Variants in ACVR1B observed in about 807,000 individuals in gnomAD.
The protein encoded by ACVR1B is activin receptor type-1B.
ACVR1B carries 15 observed loss-of-function variants against 55.6 expected under a neutral mutation model. The ratio of observed to expected loss-of-function variants is 0.27; its 90% CI spans 0.18 to 0.42. The LOEUF (loss-of-function observed/expected upper bound fraction) is 0.42, where lower values mean the gene tolerates loss of function less well. Among genes scored for constraint, ACVR1B ranks in the 10% least tolerant of loss-of-function variants. The pLI is 1.00. For missense variants in ACVR1B, 359 were observed against 670.1 expected (o/e 0.54, Z 5.13); for synonymous variants, 247 against 254.6 (o/e 0.97, Z 0.28).
chr12:51,996,999 A>C lies in ACVR1B; in HGVS notation c.*2889A>C, dbSNP rs988661400. ...AGTATGCAAATGTAAATAAATTGTAATATAGGAAATCTTTTGTTTTAATAT... is the reference window on the plus strand; with the variant it reads ...AGTATGCAAATGTAAATAAATTGTACTATAGGAAATCTTTTGTTTTAATAT... On this transcript the variant is annotated 3_prime_UTR_variant, in exon 9 of 9. Transcript: ENST00000257963. 2.0e-5 allele frequency: 3 copies of C among 152,658 alleles called. No homozygotes were observed. The highest frequency in any genetic ancestry group is 4.4e-5 in the Non-Finnish European group (3 of 68,038). The allele number at this position is 152,658 out of a possible 1,614,324, so 9.5% of individuals were successfully genotyped here.
At chr12:51,977,373 C>G (rs1941880680) in intron 3 of ACVR1B, among the ~76,000 whole-genome samples, 1 of 152,170 alleles carries the variant, frequency 6.6e-6, no homozygotes, top group African/African-American at 2.4e-5. Context: ...TTTCCGCTCT[C>G]TGAAACCTCC....
At chr12:51,955,246 A>G (rs558933682) in intron 1 of ACVR1B, among the ~76,000 whole-genome samples, 5 of 152,380 alleles carry the variant, frequency 3.3e-5, no homozygotes, top group East Asian at 3.9e-4. Context: ...GGAATCTGCA[A>G]TCAGTACAGG....
intron 1 of ACVR1B, chr12:51,953,531 T>C: frequency 1.0e-6 from 1 of 985,130 alleles, no homozygotes; most frequent in Non-Finnish European, 1.2e-6. Flanking sequence ...ATAAGGATGT[T>C]CGTCGGGCCT....
At chr12:51,966,880 C>T (rs957917240) in intron 1 of ACVR1B, among the ~76,000 whole-genome samples, 1 of 152,194 alleles carries the variant, frequency 6.6e-6, no homozygotes, top group African/African-American at 2.4e-5. Context: ...TTGTGGGAAA[C>T]TGCAATTTAA....
intron 1 of ACVR1B, among the ~76,000 whole-genome samples, chr12:51,968,037 C>A (rs1004057565): frequency 2.0e-5 from 3 of 152,206 alleles, no homozygotes; most frequent in African/African-American, 7.2e-5. Context: ...GAGTTCGAGA[C>A]CAGCCTGGCC....
rs1942092741 is a variant in ACVR1B at position 51,987,036 on chromosome 12, T to C, written c.1261+94T>C. 5 of 1,546,030 alleles carry C rather than the reference T, an allele frequency of 3.2e-6. No individual in the cohort carries two copies. The Admixed American group carries it at 5.0e-5, about 15-fold the overall frequency. On this transcript the variant is annotated intron_variant, in intron 7 of 8. Transcript: ENST00000257963. ...CTGCCCCCTTTCTTTTTACAACCTG[T>C]TGGATGCCTGTTGCCAGAGCCTGAA...
chr12:51,980,088 C>T (rs555556850), intron 3 of ACVR1B, among the ~76,000 whole-genome samples: 1 of 152,172 alleles, frequency 6.6e-6, no homozygotes, highest in African/African-American at 2.4e-5. Context: ...TTGAATATTA[C>T]ATAACCTCCT....
chr12:51,960,760 C>T (rs1941504994), intron 1 of ACVR1B, among the ~76,000 whole-genome samples: 1 of 152,178 alleles, frequency 6.6e-6, no homozygotes, highest in Non-Finnish European at 1.5e-5. Flanking sequence ...TCTAACCAGG[C>T]TCTCTGCCTT....
rs145146975 is a variant in ACVR1B, at chr12:51,985,295, T to C, written c.1083T>C (p.Asp361=). The C allele has an allele frequency of 6.2e-7, 1 of 1,613,950 alleles. No homozygotes were observed. Among genetic ancestry groups the C allele is most frequent in the Non-Finnish European group, 8.5e-7 (1 of 1,179,950 alleles). The part of the protein sequence containing the change: ...IADLGLAVRH[D]AVTDTIDIAP... ...ACCTGGGCCTGGCTGTCCGTCATGA[T>C]GCAGTCACTGACACCATTGACATTG... is the stretch of plus-strand genomic sequence containing the variant. The change falls in exon 6 of 9, where the codon GAT becomes GAC. Residue 361 remains aspartate (D), a synonymous_variant. Transcript: ENST00000257963.
At chr12:51,969,952 A>G (rs1941716069) in intron 1 of ACVR1B, among the ~76,000 whole-genome samples, 1 of 152,198 alleles carries the variant, frequency 6.6e-6, no homozygotes, top group African/African-American at 2.4e-5. Context: ...CACCACTTCC[A>G]TAATATTGGT....
rs1308651786 is a variant in ACVR1B, at chr12:51,985,410, G to A, written c.1136+62G>A. 2.0e-5 allele frequency: 31 copies of A among 1,525,678 alleles called. No homozygotes were observed. In the East Asian group the frequency reaches 2.8e-4, roughly 14 times the overall value. 94.5% of individuals were successfully genotyped at this position (1,525,678 alleles called of 1,614,324 possible). A position where few individuals can be genotyped will look rare whatever the true frequency, so the allele number is the denominator to read the frequency against. ...TTCTACTGAGTATCCCATCTGTGCC[G>A]TTTCCCATATGCGCAGGAGAAGGAG... is the stretch of plus-strand genomic sequence containing the variant. On this transcript the variant is annotated intron_variant, in intron 6 of 8. Transcript: ENST00000257963.
chr12:51,988,143 T>C (rs1942117926), intron 7 of ACVR1B, among the ~76,000 whole-genome samples: 1 of 152,256 alleles, frequency 6.6e-6, no homozygotes, highest in Non-Finnish European at 1.5e-5. Flanking sequence ...CATGGAATTG[T>C]ACCTCTTAAA....
intron 1 of ACVR1B, among the ~76,000 whole-genome samples, chr12:51,952,135 A>G (rs1239768926): frequency 6.6e-6 from 1 of 151,696 alleles, no homozygotes; most frequent in Non-Finnish European, 1.5e-5. Flanking sequence ...CAGAGAGGGG[A>G]GTCTGAGCCT....
intron 3 of ACVR1B, among the ~76,000 whole-genome samples, chr12:51,980,375 A>G (rs999086090): frequency 4.6e-5 from 7 of 152,224 alleles, no homozygotes; most frequent in African/African-American, 1.4e-4. Context: ...AAATGAAGCA[A>G]TGTTGAGTTT....
intron 7 of ACVR1B, 79 bp downstream of exon 7, chr12:51,987,021 T>C (rs1320685716): frequency 1.3e-6 from 2 of 1,595,288 alleles, no homozygotes; most frequent in Middle Eastern, 3.3e-4. Flanking sequence ...CTGCCCCCTT[T>C]CTTTTTACAA....
chr12:51,988,567 TATA>T (rs1942125028), intron 7 of ACVR1B, among the ~76,000 whole-genome samples: 1 of 152,242 alleles, frequency 6.6e-6, no homozygotes, highest in Admixed American at 6.5e-5. Flanking sequence ...AGGCTAAATA[TATA>T]ATAATGCTAA....
At chr12:51,978,453 ATGC>A (rs1484490705) in intron 3 of ACVR1B, among the ~76,000 whole-genome samples, 1 of 152,198 alleles carries the variant, frequency 6.6e-6, no homozygotes, top group Non-Finnish European at 1.5e-5. Context: ...TAGTAAGTCC[ATGC>A]TGCTCATATG....
chr12:51,966,966 C>T (rs913249838), intron 1 of ACVR1B, among the ~76,000 whole-genome samples: 25 of 152,162 alleles, frequency 1.6e-4, no homozygotes, highest in Non-Finnish European at 2.8e-4. Context: ...GTAGGCCGGG[C>T]GCAGTGGCTC....
chr12:51,956,363 G>A (rs900778270), intron 1 of ACVR1B, among the ~76,000 whole-genome samples: 3 of 152,218 alleles, frequency 2.0e-5, no homozygotes, highest in Non-Finnish European at 4.4e-5. Context: ...GATTGGGTAT[G>A]TGCCTGGAAC....
Sources: allele counts gnomAD v4.1 joint callset (sites outside exome capture counted in the v4.1 genomes callset), GRCh38; gene constraint gnomAD v4.1.1; transcripts MANE v1.5; gene names NCBI Gene and HGNC (gene_info 2026-07-23, HGNC 2026-07-21).